DNAJB4: variants seen among roughly 807,000 people sequenced by gnomAD.
The protein encoded by DNAJB4 is DnaJ heat shock protein family (Hsp40) member B4.
A neutral mutation model predicts 26.6 loss-of-function variants in DNAJB4; 10 were observed. The ratio of observed to expected loss-of-function variants is 0.38; its 90% CI spans 0.23 to 0.64. The LOEUF is 0.64. DNAJB4 is among the 30% of genes least tolerant of loss of function. The pLI is 0.58. For missense variants in DNAJB4, 328 were observed against 408.2 expected (o/e 0.80, Z 1.69); for synonymous variants, 136 against 134.8 (o/e 1.01, Z -0.06).
intron 1 of DNAJB4, among the ~76,000 whole-genome samples, chr1:77,989,891 C>G (rs1659892010): frequency 6.6e-6 from 1 of 152,200 alleles, no homozygotes; most frequent in Admixed American, 6.5e-5. Flanking sequence ...TATTCAAAAA[C>G]AGGATGCAGT....
chr1:77,983,973 G>C (rs559946898), intron 1 of DNAJB4, among the ~76,000 whole-genome samples: 5 of 152,144 alleles, frequency 3.3e-5, no homozygotes, highest in Non-Finnish European at 7.3e-5. Flanking sequence ...GATGAATTCA[G>C]GGTCTAGAAA....
intron 1 of DNAJB4, among the ~76,000 whole-genome samples, chr1:78,007,535 C>G (rs759416402): frequency 1.4e-4 from 21 of 151,878 alleles, no homozygotes; most frequent in Non-Finnish European, 2.9e-4. Flanking sequence ...GAGCCGAGAT[C>G]GAGCCACTGC....
At chr1:77,998,187 A>G (rs1660109826) in intron 1 of DNAJB4, among the ~76,000 whole-genome samples, 1 of 152,214 alleles carries the variant, frequency 6.6e-6, no homozygotes, top group African/African-American at 2.4e-5. Context: ...ATGTCTATCT[A>G]GTTAACAGCA....
At chr1:78,005,842 C>T (rs184536174) in intron 1 of DNAJB4, among the ~76,000 whole-genome samples, 2 of 152,324 alleles carry the variant, frequency 1.3e-5, no homozygotes. Flanking sequence ...CTGAACAAGA[C>T]AGAGTTGTGA....
At chr1:77,988,167 A>G (rs1033712829) in intron 1 of DNAJB4, among the ~76,000 whole-genome samples, 2 of 151,580 alleles carry the variant, frequency 1.3e-5, no homozygotes, top group African/African-American at 4.9e-5. Context: ...GGTTACAGGC[A>G]TGTGCCACCA....
chr1:77,989,548 A>T (rs114805151), intron 1 of DNAJB4, among the ~76,000 whole-genome samples: 2 of 152,182 alleles, frequency 1.3e-5, no homozygotes, highest in Admixed American at 1.3e-4. Flanking sequence ...ATGAGGATAC[A>T]TGTGTTTTTA....
At position 78,016,526 on chromosome 1, in the gene DNAJB4, G is replaced by T; in HGVS notation, c.*279G>T. ...TAAAAGTTGTTTTTGTGGAGTCAGTGGATATATTTCTAATGAAGTGCTAGA... is the reference window on the plus strand; with the variant it reads ...TAAAAGTTGTTTTTGTGGAGTCAGTTGATATATTTCTAATGAAGTGCTAGA... On this transcript the variant is annotated 3_prime_UTR_variant, in exon 3 of 3. Coordinates refer to ENST00000370763, the MANE Select transcript of DNAJB4 (RefSeq NM_007034.5). 1 of 390,054 alleles carries T rather than the reference G, an allele frequency of 2.6e-6. No individual in the cohort carries two copies. Among genetic ancestry groups the T allele is most frequent in the South Asian group, 3.4e-5 (1 of 29,650 alleles). The allele number at this position is 390,054 out of a possible 1,614,324, so 24.2% of individuals were successfully genotyped here.
chr1:78,003,964 A>G (rs1473571446), upstream of DNAJB4, among the ~76,000 whole-genome samples: 1 of 152,224 alleles, frequency 6.6e-6, no homozygotes, highest in South Asian at 2.1e-4. Flanking sequence ...CAAAATCTCC[A>G]ACAATGAATA....
chr1:77,997,332 A>T (rs955151961), intron 1 of DNAJB4, among the ~76,000 whole-genome samples: 2 of 149,648 alleles, frequency 1.3e-5, no homozygotes, highest in African/African-American at 5.0e-5. Context: ...AAAAAAAAAA[A>T]ATCTATATCT....
chr1:78,003,230 G>A (rs1003580309), upstream of DNAJB4, among the ~76,000 whole-genome samples: 3 of 151,880 alleles, frequency 2.0e-5, no homozygotes, highest in African/African-American at 7.3e-5. Flanking sequence ...TTTAAAACTG[G>A]GAGTCTTAAG....
intron 1 of DNAJB4, among the ~76,000 whole-genome samples, chr1:78,011,680 C>T (rs1447828384): frequency 2.6e-5 from 4 of 151,646 alleles, no homozygotes; most frequent in Non-Finnish European, 4.4e-5. Flanking sequence ...GACGGGGTTT[C>T]ACCATGTAGA....
In DNAJB4 at chr1:78,016,261, G is replaced by A. The variant is rs755745103; in HGVS notation, c.*14G>A. 6.2e-7 allele frequency: 1 copy of A among 1,601,844 alleles called. No homozygotes were observed. The highest frequency in any genetic ancestry group is 8.5e-7 in the Non-Finnish European group (1 of 1,170,864). ...CCTGCCTCATAGAATGAAGAACTTT[G>A]TTACACATATTTTGATAAGGCACTG... On this transcript the variant is annotated 3_prime_UTR_variant, in exon 3 of 3. Coordinates refer to ENST00000370763, the MANE Select transcript of DNAJB4 (RefSeq NM_007034.5).
Position 78,004,969 on chromosome 1 carries a change from C to A in DNAJB4, c.-142C>A. 1 of 804,600 alleles carries A rather than the reference C, an allele frequency of 1.2e-6. No individual in the cohort carries two copies. Among genetic ancestry groups the A allele is most frequent in the Non-Finnish European group, 2.0e-6 (1 of 494,610 alleles). The allele number at this position is 804,600 out of a possible 1,614,324, so 49.8% of individuals were successfully genotyped here. On this transcript the variant is annotated 5_prime_UTR_variant, in exon 1 of 3. It adds an upstream start codon to the 5' untranslated region. Transcript: ENST00000370763. ...TGAATACAGAGACGCTGTCTGCTTG[C>A]TGCCTTAAGACAGCTAGCTGAATTG... is the stretch of plus-strand genomic sequence containing the variant.
At chr1:78,004,519 C>A (rs1571439888), upstream of DNAJB4, 1 of 151,992 alleles carries the variant, frequency 6.6e-6, no homozygotes, top group East Asian at 1.9e-4. Flanking sequence ...GTATTATATA[C>A]TTAACAGACA....
rs1660671622 is a variant in DNAJB4, at chr1:78,017,527, A to G, written c.*1280A>G. 1.3e-5 allele frequency: 2 copies of G among 152,042 alleles called. No individual in the cohort carries two copies. Among genetic ancestry groups the G allele is most frequent in the Non-Finnish European group, 2.9e-5 (2 of 67,948 alleles). 9.4% of individuals were successfully genotyped at this position (152,042 alleles called of 1,614,324 possible). On this transcript the variant is annotated 3_prime_UTR_variant, in exon 3 of 3. Transcript: ENST00000370763. ...ATTGAGATATAATTTACATGCCATA[A>G]AGTTTACCCTTAAAATATATAATTC...
intron 1 of DNAJB4, among the ~76,000 whole-genome samples, chr1:78,005,888 AG>A (rs1348316431): frequency 6.6e-6 from 1 of 152,248 alleles, no homozygotes; most frequent in Non-Finnish European, 1.5e-5. Context: ...TTTAGCTTCT[AG>A]TTGTTTTTGG....
chr1:78,014,027 TAAA>T (rs1235369833), intron 2 of DNAJB4, among the ~76,000 whole-genome samples: 4 of 151,916 alleles, frequency 2.6e-5, no homozygotes, highest in South Asian at 2.1e-4. Context: ...TTTATATTAA[TAAA>T]AAATACATTT....
rs939211718 is a variant in DNAJB4 at position 78,016,117 on chromosome 1, G to A, written c.884G>A (p.Gly295Glu). The A allele has an allele frequency of 6.2e-7, 1 of 1,614,094 alleles. No homozygotes were observed. The highest frequency in any genetic ancestry group is 1.3e-5 in the African/African-American group (1 of 75,030). The change falls in exon 3 of 3, where the codon GGA (glycine) becomes GAA (glutamate). Residue 295 changes from glycine to glutamate, a missense_variant. By Grantham distance (98) the Gly-to-Glu change is moderately conservative. Transcript: ENST00000370763. ...CCCGGAATGAGGAGAAGAATTATTG[G>A]ATATGGGCTGCCATTTCCAAAAAAT... is the stretch of plus-strand genomic sequence containing the variant. ...VKPGMRRRII[G>E]YGLPFPKNPD... is the part of the protein sequence containing the mutation.
chr1:77,989,095 T>G (rs1409532667), intron 1 of DNAJB4, among the ~76,000 whole-genome samples: 1 of 151,532 alleles, frequency 6.6e-6, no homozygotes, highest in Non-Finnish European at 1.5e-5. Flanking sequence ...CACTCCTCTC[T>G]TTTTAAACAG....
Sources: allele counts gnomAD v4.1 joint callset (sites outside exome capture counted in the v4.1 genomes callset), GRCh38; gene constraint gnomAD v4.1.1; transcripts MANE v1.5; gene names NCBI Gene and HGNC (gene_info 2026-07-23, HGNC 2026-07-21).